RGS10: variants seen among roughly 807,000 people sequenced by gnomAD.
RGS10 encodes regulator of G protein signaling 10.
A neutral mutation model predicts 23.5 loss-of-function variants in RGS10; 11 were observed. That is an observed-to-expected ratio of 0.47 (90% CI 0.29 to 0.77). The LOEUF (loss-of-function observed/expected upper bound fraction) is 0.77, where lower values mean the gene tolerates loss of function less well. Ranked by LOEUF, RGS10 falls within the 30% of genes least tolerant of loss-of-function variation. The pLI is 0.08. For synonymous variants in RGS10, 77 were observed against 83.2 expected (o/e 0.92, Z 0.41); for missense variants, 180 against 226.3 (o/e 0.80, Z 1.31).
chr10:119,505,443 C>T (rs1843999913), intron 4 of RGS10, among the ~76,000 whole-genome samples: 1 of 150,094 alleles, frequency 6.7e-6, no homozygotes, highest in Non-Finnish European at 1.5e-5. Flanking sequence ...GCATCGTTGC[C>T]TTGGGATCCA....
At chr10:119,533,680 C>T (rs1844355563) in intron 1 of RGS10, among the ~76,000 whole-genome samples, 1 of 152,192 alleles carries the variant, frequency 6.6e-6, no homozygotes, top group East Asian at 1.9e-4. Flanking sequence ...AAATGTCAGG[C>T]ATGTTCTCCA....
At chr10:119,530,909 A>G (rs1844324575) in intron 1 of RGS10, among the ~76,000 whole-genome samples, 1 of 152,194 alleles carries the variant, frequency 6.6e-6, no homozygotes, top group Non-Finnish European at 1.5e-5. Context: ...TACGTAAGAG[A>G]ATTATTTGGG....
intron 3 of RGS10, among the ~76,000 whole-genome samples, chr10:119,519,515 C>T (rs540974468): frequency 8.0e-4 from 108 of 135,766 alleles, no homozygotes; most frequent in African/African-American, 3.0e-3. Context: ...GTCTCCCTGT[C>T]TGTCCCCCAG....
At position 119,504,804 on chromosome 10, in the gene RGS10, G is replaced by A. The variant is rs570850294; in HGVS notation, c.400-4545C>T. 4.0e-4 allele frequency among the ~76,000 whole-genome samples: 61 copies of A among 152,232 alleles called. 2 individuals are homozygous for A. The South Asian group carries it at 0.012, about 31-fold the overall frequency. On this transcript the variant is annotated intron_variant, in intron 4 of 4. Transcript: ENST00000369103. ...GAGTGCCGGCAGCCACCAGCAGTCT[G>A]TAAGCTGAAGGGGCAAGTAAGCACC...
chr10:119,512,355 G>A (rs1049011318), intron 4 of RGS10, among the ~76,000 whole-genome samples: 3 of 152,110 alleles, frequency 2.0e-5, no homozygotes, highest in East Asian at 1.9e-4. Flanking sequence ...GAAAAAAACC[G>A]GGGCTAATGC....
At chr10:119,508,687 G>GA (rs1176377967) in intron 4 of RGS10, among the ~76,000 whole-genome samples, 1 of 152,226 alleles carries the variant, frequency 6.6e-6, no homozygotes, top group Admixed American at 6.5e-5. Context: ...CTGCTAAGAA[G>GA]AGAGAAGGAG....
chr10:119,511,617 C>A (rs1006250549), intron 4 of RGS10, among the ~76,000 whole-genome samples: 2 of 151,804 alleles, frequency 1.3e-5, no homozygotes, highest in East Asian at 3.9e-4. Context: ...GGACTGTCTC[C>A]AAAAAAAATG....
intron 4 of RGS10, among the ~76,000 whole-genome samples, chr10:119,514,694 A>G (rs530521157): frequency 6.6e-6 from 1 of 151,342 alleles, no homozygotes; most frequent in African/African-American, 2.4e-5. Flanking sequence ...ACACAGAACC[A>G]AAAGCGAAAT....
chr10:119,536,556 G>A, intron 1 of RGS10: 1 of 1,571,164 alleles, frequency 6.4e-7, no homozygotes, highest in Non-Finnish European at 8.6e-7. Context: ...GGCAGAGACT[G>A]GAGGGCTCCC....
chr10:119,506,881 A>G (rs1167649002), intron 4 of RGS10, among the ~76,000 whole-genome samples: 1 of 152,120 alleles, frequency 6.6e-6, no homozygotes, highest in Non-Finnish European at 1.5e-5. Context: ...TTGTATTTTT[A>G]GTAGAGACGG....
At chr10:119,519,216 C>A (rs66738206) in intron 3 of RGS10, among the ~76,000 whole-genome samples, 30,302 of 152,026 alleles carry the variant, frequency 0.2, 3,314 homozygotes, top group Middle Eastern at 0.29. Flanking sequence ...TTCTTCTCTT[C>A]CCGCTTCCCT....
Position 119,526,122 on chromosome 10 carries a change from T to A in RGS10, c.169-4A>T. ...TGAATTCCTTTTTTAAAAATTCCTG[T>A]GGATACAAAGAAAAAGAGTCACACA... On this transcript the variant is annotated splice_region_variant and splice_polypyrimidine_tract_variant and intron_variant, in intron 2 of 4. Transcript: ENST00000369103. 1 of 1,467,980 alleles carries A rather than the reference T, an allele frequency of 6.8e-7. No individual in the cohort carries two copies. The highest frequency in any genetic ancestry group is 1.3e-5 in the South Asian group (1 of 79,848). The allele number at this position is 1,467,980 out of a possible 1,614,324, so 90.9% of individuals were successfully genotyped here. A position where few individuals can be genotyped will look rare whatever the true frequency, so the allele number is the denominator to read the frequency against.
intron 1 of RGS10, among the ~76,000 whole-genome samples, chr10:119,537,345 G>T (rs1844398816): frequency 6.9e-6 from 1 of 145,180 alleles, no homozygotes; most frequent in Admixed American, 7.1e-5. Context: ...TTGCGCCATT[G>T]CACTCCAGCG....
chr10:119,542,664 A>G lies in RGS10; in HGVS notation c.-26T>C. On this transcript the variant is annotated 5_prime_UTR_variant, in exon 1 of 5. Coordinates refer to ENST00000369103, the MANE Select transcript of RGS10 (RefSeq NM_001005339.2). The stretch of plus-strand genomic sequence containing the variant: ...CGCCGCGGGCGCCCGAGGAGGAAGA[A>G]GGAGCAGCCCGGCGGCGCGGCGGCT... 3 of 1,368,616 alleles carry G rather than the reference A, an allele frequency of 2.2e-6. No individual in the cohort carries two copies. The highest frequency in any genetic ancestry group is 2.8e-6 in the Non-Finnish European group (3 of 1,060,366). The allele number at this position is 1,368,616 out of a possible 1,614,324, so 84.8% of individuals were successfully genotyped here. A position where few individuals can be genotyped will look rare whatever the true frequency, so the allele number is the denominator to read the frequency against.
intron 4 of RGS10, among the ~76,000 whole-genome samples, chr10:119,501,592 A>G (rs1843953757): frequency 6.6e-6 from 1 of 152,066 alleles, no homozygotes; most frequent in Admixed American, 6.6e-5. Flanking sequence ...GCGTGGTGGC[A>G]CACACCTGTA....
intron 4 of RGS10, among the ~76,000 whole-genome samples, chr10:119,508,180 C>T (rs1017410394): frequency 6.6e-6 from 1 of 151,156 alleles, no homozygotes; most frequent in African/African-American, 2.4e-5. Flanking sequence ...TTGTATTATT[C>T]GTAGAGACGA....
chr10:119,527,317 T>TCA lies in RGS10; in HGVS notation c.155_156dup (p.Lys53Ter). On this transcript the variant is annotated frameshift_variant, in exon 2 of 5. Coordinates refer to ENST00000369103, the MANE Select transcript of RGS10 (RefSeq NM_001005339.2). LOFTEE classifies it high-confidence loss of function. This position sits in a 1 kb window ranked among gnomAD's most constrained non-coding sequence, Gnocchi z 4.2. ...TGAAAAAGACAAACCCTAAATCTTT[T>TCA]CACGCCTTCTGGGTCTTCCAGCAGA... 6.2e-7 allele frequency: 1 copy of TCA among 1,613,260 alleles called. No homozygotes were observed. The highest frequency in any genetic ancestry group is 8.5e-7 in the Non-Finnish European group (1 of 1,179,208).
chr10:119,526,006 A>G, intron 3 of RGS10, 26 bp downstream of exon 3: 1 of 1,393,506 alleles, frequency 7.2e-7, no homozygotes, highest in Non-Finnish European at 9.9e-7. Flanking sequence ...TATAAGGGAA[A>G]AAAATTATCA....
At chr10:119,512,833 C>G (rs1393225469) in intron 4 of RGS10, among the ~76,000 whole-genome samples, 1 of 152,186 alleles carries the variant, frequency 6.6e-6, no homozygotes, top group Non-Finnish European at 1.5e-5. Flanking sequence ...CAGGCGTGAG[C>G]GACTGAGCCC....
Sources: allele counts gnomAD v4.1 joint callset (sites outside exome capture counted in the v4.1 genomes callset), GRCh38; gene constraint gnomAD v4.1.1; non-coding constraint Gnocchi (gnomAD v3.1); transcripts MANE v1.5; gene names NCBI Gene and HGNC (gene_info 2026-07-23, HGNC 2026-07-21).